Variants in LRP1B observed in about 807,000 individuals in gnomAD.
LRP1B encodes the protein LDL receptor related protein 1B, also known as low-density lipoprotein receptor-related protein 1B.
LRP1B carries 217 observed loss-of-function variants against 556.6 expected under a neutral mutation model. That is an observed-to-expected ratio of 0.39 (90% confidence interval 0.35 to 0.44). The LOEUF (loss-of-function observed/expected upper bound fraction) is 0.44, where lower values mean the gene tolerates loss of function less well. Ranked by LOEUF, LRP1B falls within the 20% of genes least tolerant of loss-of-function variation. The pLI is 1.00. For synonymous variants in LRP1B, 2,047 were observed against 1,865.8 expected (o/e 1.10, Z -2.50); for missense variants, 5,053 against 5,620.8 (o/e 0.90, Z 3.23).
At chr2:141,247,936 TG>T (rs1475771760) in intron 4 of LRP1B, among the ~76,000 whole-genome samples, 6 of 152,222 alleles carry the variant, frequency 3.9e-5, no homozygotes, top group Admixed American at 3.9e-4. Flanking sequence ...GGCTGGGCAC[TG>T]CGGCTCATGC....
chr2:140,584,929 T>G (rs1681924406), intron 43 of LRP1B, among the ~76,000 whole-genome samples: 1 of 152,070 alleles, frequency 6.6e-6, no homozygotes, highest in Non-Finnish European at 1.5e-5. Flanking sequence ...AGCATCCTTT[T>G]TATAATTTGT....
intron 23 of LRP1B, among the ~76,000 whole-genome samples, chr2:140,892,808 C>G (rs1693837181): frequency 6.6e-6 from 1 of 152,018 alleles, no homozygotes; most frequent in Non-Finnish European, 1.5e-5. Context: ...TGTGCATGCT[C>G]TACGACACTA....
At chr2:141,149,441 ATCT>A (rs1181394996) in intron 7 of LRP1B, among the ~76,000 whole-genome samples, 3 of 152,184 alleles carry the variant, frequency 2.0e-5, no homozygotes, top group Non-Finnish European at 4.4e-5. Context: ...GCAGAACTTA[ATCT>A]TCTCAATGGT....
intron 20 of LRP1B, among the ~76,000 whole-genome samples, chr2:140,945,860 G>T (rs993443695): frequency 5.9e-5 from 9 of 152,188 alleles, no homozygotes; most frequent in African/African-American, 2.2e-4. Flanking sequence ...TTATAAGTGA[G>T]ACCTAATTAA....
intron 1 of LRP1B, among the ~76,000 whole-genome samples, chr2:141,922,556 T>G (rs2104976218): frequency 6.6e-6 from 1 of 152,282 alleles, no homozygotes; most frequent in African/African-American, 2.4e-5. Context: ...CTCCTCCACC[T>G]GATCTTCACT....
chr2:140,812,543 T>C (rs1371875408), intron 32 of LRP1B, among the ~76,000 whole-genome samples: 1 of 151,894 alleles, frequency 6.6e-6, no homozygotes. Flanking sequence ...AATTAACAAC[T>C]GTTTACTTAT....
chr2:140,296,319 A>C (rs1297510064), intron 84 of LRP1B, among the ~76,000 whole-genome samples: 1 of 152,182 alleles, frequency 6.6e-6, no homozygotes, highest in Non-Finnish European at 1.5e-5. Context: ...CTCATTATAC[A>C]GATGGACATA....
intron 7 of LRP1B, among the ~76,000 whole-genome samples, chr2:141,138,788 T>C (rs1404602121): frequency 5.3e-5 from 8 of 151,910 alleles, no homozygotes; most frequent in African/African-American, 7.2e-5. Flanking sequence ...AAGATGTCTG[T>C]TCTCTCCAAA....
At chr2:140,673,769 G>C (rs1023422352) in intron 41 of LRP1B, among the ~76,000 whole-genome samples, 2 of 152,018 alleles carry the variant, frequency 1.3e-5, no homozygotes, top group Non-Finnish European at 2.9e-5. Context: ...GACAGAAAGT[G>C]AGGGTCCATA....
chr2:141,188,429 T>C lies in LRP1B; in HGVS notation c.1005A>G (p.Pro335=), dbSNP rs1681356810. ...LHNPKAIAVD[P]IAGKLFFTDY... ...TATAAAGAATTTCTTACCCTGCTAT[T>C]GGATCTACTGCTATTGCTTTAGGAT... is the stretch of plus-strand genomic sequence containing the variant. The change falls in exon 7 of 91, where the codon CCA becomes CCG. Residue 335 remains proline (P), a synonymous_variant. Transcript: ENST00000389484. 6.2e-7 allele frequency: 1 copy of C among 1,611,444 alleles called. No homozygotes were observed. The highest frequency in any genetic ancestry group is 2.2e-5 in the East Asian group (1 of 44,740).
intron 2 of LRP1B, among the ~76,000 whole-genome samples, chr2:141,753,783 T>C (rs62168689): frequency 0.25 from 38,294 of 152,088 alleles, 5,414 homozygotes; most frequent in Non-Finnish European, 0.31. Context: ...GCAATTACAC[T>C]ATATAAAATC....
intron 2 of LRP1B, among the ~76,000 whole-genome samples, chr2:141,509,215 C>G (rs1684035659): frequency 6.6e-6 from 1 of 152,142 alleles, no homozygotes; most frequent in Non-Finnish European, 1.5e-5. Context: ...AAACTTGAAA[C>G]AGCCCAAGAT....
chr2:140,859,718 T>G (rs1413845396), intron 27 of LRP1B, among the ~76,000 whole-genome samples: 3 of 152,132 alleles, frequency 2.0e-5, no homozygotes, highest in Non-Finnish European at 2.9e-5. Flanking sequence ...TGCCTGGCCG[T>G]GTGCGGTGGC....
rs116204325 is a variant in LRP1B at position 141,363,211 on chromosome 2, C to A, written c.344-108570G>T. Among the ~76,000 whole-genome samples the A allele has an allele frequency of 7.6e-4, 115 of 152,268 alleles. 1 individual carries two copies. Among genetic ancestry groups the A allele is most frequent in the African/African-American group, 2.7e-3 (112 of 41,554 alleles). ...GTCTCACCACCCATTTCTGTCCAATCTTAACCATTCTTCAAAACCCATTCA... is the reference window on the plus strand; with the variant it reads ...GTCTCACCACCCATTTCTGTCCAATATTAACCATTCTTCAAAACCCATTCA... On this transcript the variant is annotated intron_variant, in intron 3 of 90. Coordinates refer to ENST00000389484, the MANE Select transcript of LRP1B (RefSeq NM_018557.3).
At chr2:140,341,672 C>A (rs912463001) in intron 77 of LRP1B, among the ~76,000 whole-genome samples, 2 of 151,232 alleles carry the variant, frequency 1.3e-5, no homozygotes, top group African/African-American at 2.4e-5. Context: ...CTATGTATGG[C>A]TGGAACAAAA....
chr2:141,880,176 C>T (rs12467378), intron 1 of LRP1B, among the ~76,000 whole-genome samples: 31,730 of 151,852 alleles, frequency 0.21, 4,067 homozygotes, highest in East Asian at 0.37. Context: ...AGGGCCAAGT[C>T]TTCTTTTGAG....
intron 3 of LRP1B, among the ~76,000 whole-genome samples, chr2:141,316,886 T>C (rs141736566): frequency 3.9e-5 from 6 of 152,346 alleles, no homozygotes; most frequent in African/African-American, 1.4e-4. Flanking sequence ...AGTTAAGTAC[T>C]AGCCAGTTTT....
intron 3 of LRP1B, among the ~76,000 whole-genome samples, chr2:141,265,063 C>T (rs957552077): frequency 6.6e-6 from 1 of 152,154 alleles, no homozygotes; most frequent in African/African-American, 2.4e-5. Flanking sequence ...CCGAGCCCTT[C>T]CCGGAGATGA....
intron 41 of LRP1B, among the ~76,000 whole-genome samples, chr2:140,654,102 C>A (rs534052783): frequency 1.0e-4 from 15 of 145,546 alleles, no homozygotes; most frequent in African/African-American, 3.5e-4. Flanking sequence ...CAGGGAAATA[C>A]TGGATGAGTA....
Sources: allele counts gnomAD v4.1 joint callset (sites outside exome capture counted in the v4.1 genomes callset), GRCh38; gene constraint gnomAD v4.1.1; transcripts MANE v1.5; gene names NCBI Gene and HGNC (gene_info 2026-07-23, HGNC 2026-07-21).